Variants in GAB2 observed in about 807,000 individuals in gnomAD.
GAB2 encodes the protein GRB2-associated-binding protein 2.
In GAB2, 26 loss-of-function variants were observed where a neutral mutation model predicts 65.5. The observed-to-expected ratio is 0.40, with a 90% CI of 0.29 to 0.55. The LOEUF (loss-of-function observed/expected upper bound fraction) is 0.55, where lower values mean the gene tolerates loss of function less well. GAB2 is among the 20% of genes least tolerant of loss of function. The pLI is 0.53. For missense variants in GAB2, 884 were observed against 875.8 expected (o/e 1.01, Z -0.12); for synonymous variants, 321 against 329.6 (o/e 0.97, Z 0.28).
chr11:78,382,849 C>T (rs1856715518), intron 1 of GAB2, among the ~76,000 whole-genome samples: 1 of 152,188 alleles, frequency 6.6e-6, no homozygotes. Context: ...TAGAAGTCAA[C>T]AGTATGAGAT....
chr11:78,274,554 C>A (rs892981025), intron 2 of GAB2, among the ~76,000 whole-genome samples: 2 of 152,076 alleles, frequency 1.3e-5, no homozygotes, highest in African/African-American at 4.8e-5. Context: ...GTATTTTATC[C>A]CTATTTTATA....
At chr11:78,238,331 A>G (rs866586989) in intron 3 of GAB2, among the ~76,000 whole-genome samples, 4 of 151,894 alleles carry the variant, frequency 2.6e-5, no homozygotes, top group South Asian at 2.1e-4. Flanking sequence ...TAGCGAGACC[A>G]TATCTCTACA....
intron 1 of GAB2, among the ~76,000 whole-genome samples, chr11:78,321,812 A>G (rs988807863): frequency 5.9e-5 from 9 of 152,148 alleles, no homozygotes; most frequent in Non-Finnish European, 1.0e-4. Context: ...CCAATGGAAC[A>G]GAATAGAGAA....
At chr11:78,370,809 T>C (rs1369308008) in intron 1 of GAB2, among the ~76,000 whole-genome samples, 1 of 152,034 alleles carries the variant, frequency 6.6e-6, no homozygotes, top group Non-Finnish European at 1.5e-5. Context: ...GCTCCTTCCC[T>C]TCTCCAGCTT....
chr11:78,415,939 CTTTTTT>C (rs1303081510), intron 1 of GAB2, among the ~76,000 whole-genome samples: 1 of 129,030 alleles, frequency 7.8e-6, no homozygotes, highest in Admixed American at 7.8e-5. Flanking sequence ...TTAAGGGTCA[CTTTTTT>C]TTTTTTTTTT....
chr11:78,417,114 G>A (rs1857207424), intron 1 of GAB2, among the ~76,000 whole-genome samples: 1 of 152,230 alleles, frequency 6.6e-6, no homozygotes, highest in Admixed American at 6.5e-5. Flanking sequence ...ACATGCCGCT[G>A]ACGCTGCCGG....
At chr11:78,365,842 C>T (rs1591067563) in intron 1 of GAB2, among the ~76,000 whole-genome samples, 1 of 152,340 alleles carries the variant, frequency 6.6e-6, no homozygotes, top group Non-Finnish European at 1.5e-5. Flanking sequence ...GGTCCAAATT[C>T]CGCAGTCCAG....
intron 1 of GAB2, among the ~76,000 whole-genome samples, chr11:78,301,354 G>A (rs1332878792): frequency 7.3e-6 from 1 of 137,452 alleles, no homozygotes; most frequent in Non-Finnish European, 1.5e-5. Flanking sequence ...TTTTGAGACA[G>A]AGTCTTGCAC....
At chr11:78,258,872 T>C (rs1865664169) in intron 2 of GAB2, among the ~76,000 whole-genome samples, 2 of 152,230 alleles carry the variant, frequency 1.3e-5, no homozygotes, top group Admixed American at 1.3e-4. Context: ...ATTGGCATTT[T>C]TTCTTTTTAA....
chr11:78,298,210 G>A (rs1866894358), intron 1 of GAB2, among the ~76,000 whole-genome samples: 1 of 152,026 alleles, frequency 6.6e-6, no homozygotes, highest in Admixed American at 6.6e-5. Flanking sequence ...CATTGAAGAG[G>A]GCATATGCAA....
intron 2 of GAB2, among the ~76,000 whole-genome samples, chr11:78,271,334 C>T (rs1866004441): frequency 1.3e-5 from 2 of 152,232 alleles, no homozygotes; most frequent in Admixed American, 1.3e-4. Context: ...CATTTGTACA[C>T]ACAAAATAAG....
At chr11:78,407,824 G>A (rs932073649) in intron 1 of GAB2, among the ~76,000 whole-genome samples, 10 of 152,118 alleles carry the variant, frequency 6.6e-5, no homozygotes, top group African/African-American at 2.4e-4. Flanking sequence ...TTTACCTCCT[G>A]AGGGAAAGCA....
At chr11:78,411,915 A>C (rs1035709830) in intron 1 of GAB2, among the ~76,000 whole-genome samples, 1 of 152,094 alleles carries the variant, frequency 6.6e-6, no homozygotes, top group African/African-American at 2.4e-5. Context: ...CTGTAGTCCC[A>C]GCTACTCAGG....
intron 1 of GAB2, among the ~76,000 whole-genome samples, chr11:78,306,840 G>A (rs941326172): frequency 6.6e-6 from 1 of 152,184 alleles, no homozygotes; most frequent in African/African-American, 2.4e-5. Flanking sequence ...GTGTGCCTTA[G>A]TTTCCTTGTT....
intron 1 of GAB2, among the ~76,000 whole-genome samples, chr11:78,300,401 T>C (rs764289319): frequency 6.6e-6 from 1 of 151,610 alleles, no homozygotes; most frequent in African/African-American, 2.4e-5. Context: ...ATGAACAAAA[T>C]AGCTATGAAC....
chr11:78,408,738 A>G (rs1317726700), intron 1 of GAB2, among the ~76,000 whole-genome samples: 1 of 152,100 alleles, frequency 6.6e-6, no homozygotes, highest in Non-Finnish European at 1.5e-5. Flanking sequence ...TGCTGTTCTC[A>G]TGATAGTGAG....
At chr11:78,338,512 T>C (rs1311343600) in intron 1 of GAB2, among the ~76,000 whole-genome samples, 1 of 152,226 alleles carries the variant, frequency 6.6e-6, no homozygotes. Flanking sequence ...AAATCAACTA[T>C]TTAACACACT....
intron 1 of GAB2, among the ~76,000 whole-genome samples, chr11:78,368,345 G>A (rs1856525324): frequency 6.6e-6 from 1 of 152,054 alleles, no homozygotes; most frequent in East Asian, 1.9e-4. Context: ...TCTATAATAG[G>A]CTTGCTATTT....
chr11:78,335,599 T>C (rs1346775434), intron 1 of GAB2, among the ~76,000 whole-genome samples: 1 of 152,240 alleles, frequency 6.6e-6, no homozygotes, highest in Non-Finnish European at 1.5e-5. Context: ...CATTGGTCTA[T>C]GTGTCTGTTT....
Sources: allele counts gnomAD v4.1 joint callset (sites outside exome capture counted in the v4.1 genomes callset), GRCh38; gene constraint gnomAD v4.1.1; transcripts MANE v1.5; gene names NCBI Gene and HGNC (gene_info 2026-07-23, HGNC 2026-07-21).